MYBPC1: variants seen among roughly 807,000 people sequenced by gnomAD.
MYBPC1 encodes myosin-binding protein C, slow-type.
In MYBPC1, 52 loss-of-function variants were observed where a neutral mutation model predicts 147.1. That is an observed-to-expected ratio of 0.35 (90% CI 0.28 to 0.45). The LOEUF is 0.45. Ranked by LOEUF, MYBPC1 falls within the 20% of genes least tolerant of loss-of-function variation. The probability of loss-of-function intolerance (pLI) is 1.00; values close to 1 mark genes in which losing one functional copy is unlikely to be tolerated. For missense variants in MYBPC1, 1,228 were observed against 1,440.3 expected (o/e 0.85, Z 2.39); for synonymous variants, 477 against 475.9 (o/e 1.00, Z -0.03).
chr12:101,636,049 G>A (rs1343562085), intron 9 of MYBPC1, among the ~76,000 whole-genome samples: 2 of 151,888 alleles, frequency 1.3e-5, no homozygotes, highest in Non-Finnish European at 2.9e-5. Context: ...TATTTAAGAA[G>A]GTATAAATAT....
chr12:101,622,711 G>A lies in MYBPC1; in HGVS notation c.104-4161G>A, dbSNP rs1485455698. Among the ~76,000 whole-genome samples the A allele has an allele frequency of 5.9e-5, 9 of 151,860 alleles. 1 individual carries two copies. The highest frequency in any genetic ancestry group is 5.9e-4 in the Admixed American group (9 of 15,256). ...GATGGTGCCACTGCACTCCAGCCTG[G>A]GCGACAGAGTGAGACTCTGTCTAAA... On this transcript the variant is annotated intron_variant, in intron 3 of 31. Transcript: ENST00000361466.
the MYBPC1 span, among the ~76,000 whole-genome samples, chr12:101,691,116 T>C: frequency 6.6e-6 from 1 of 152,130 alleles, no homozygotes; most frequent in Non-Finnish European, 1.5e-5. Context: ...CTGTTGCCCA[T>C]GCTGGAGTGC....
intron 13 of MYBPC1, among the ~76,000 whole-genome samples, chr12:101,647,396 A>G (rs1893421411): frequency 6.6e-6 from 1 of 152,218 alleles, no homozygotes; most frequent in South Asian, 2.1e-4. Context: ...TTTGAGTTTT[A>G]TATATTCTCC....
chr12:101,618,265 T>G (rs1222657449), intron 3 of MYBPC1, among the ~76,000 whole-genome samples: 1 of 152,238 alleles, frequency 6.6e-6, no homozygotes, highest in Non-Finnish European at 1.5e-5. Context: ...CTTGAACTTA[T>G]GCTCTCATAA....
Position 101,642,408 on chromosome 12 carries a change from TC to T in MYBPC1, c.666-7del. 1.2e-6 allele frequency: 2 copies of T among 1,613,990 alleles called. No homozygotes were observed. The highest frequency in any genetic ancestry group is 1.7e-6 in the Non-Finnish European group (2 of 1,180,008). ...CAGCTACTAAACTAGACCATGGTTC[TC>T]CCCGGTTAGGGAGGTGAAGCAGCAG... On this transcript the variant is annotated splice_polypyrimidine_tract_variant and intron_variant, in intron 10 of 31. Transcript: ENST00000361466.
intron 22 of MYBPC1, among the ~76,000 whole-genome samples, chr12:101,665,412 G>A (rs934676061): frequency 6.6e-6 from 1 of 152,198 alleles, no homozygotes; most frequent in African/African-American, 2.4e-5. Context: ...GAGACATCAG[G>A]TTTTATTCTG....
chr12:101,646,735 C>T (rs1565950138), intron 12 of MYBPC1, 28 bp from the exon 13 acceptor site: 7 of 1,611,248 alleles, frequency 4.3e-6, no homozygotes. Context: ...TTCACAGACT[C>T]TGTTTATTTT....
chr12:101,685,522 T>C, intron 31 of MYBPC1, 60 bp from the exon 32 acceptor site: 1 of 1,174,512 alleles, frequency 8.5e-7, no homozygotes, highest in Non-Finnish European at 1.2e-6. Context: ...GAAGTATTGT[T>C]TCAGCGATTT....
intron 1 of MYBPC1, among the ~76,000 whole-genome samples, chr12:101,613,483 G>A (rs189141618): frequency 2.2e-4 from 33 of 152,196 alleles, no homozygotes; most frequent in Admixed American, 1.8e-3. Context: ...TTTTAGAAGC[G>A]ATCACCTTCA....
chr12:101,670,018 G>T (rs1000950255), intron 23 of MYBPC1: 12 of 463,408 alleles, frequency 2.6e-5, no homozygotes, highest in Non-Finnish European at 4.8e-5. Context: ...CTATAAAGTT[G>T]CTTTAGGCTT....
chr12:101,634,057 C>T (rs914216176), intron 8 of MYBPC1, among the ~76,000 whole-genome samples: 4 of 151,996 alleles, frequency 2.6e-5, no homozygotes, highest in Admixed American at 6.6e-5. Flanking sequence ...CCACCACGGC[C>T]GGCTAATTTT....
intron 10 of MYBPC1, among the ~76,000 whole-genome samples, chr12:101,640,493 T>A (rs1299554796): frequency 6.6e-6 from 1 of 152,256 alleles, no homozygotes; most frequent in Non-Finnish European, 1.5e-5. Context: ...ATAAAGGATG[T>A]AGCTGTTATT....
rs12300365 is a variant in MYBPC1, at chr12:101,618,037, T to C, written c.103+794T>C. ...TTTAAAAGTGAACCTTTTATTTGCA[T>C]AATGAATAAAAAAGTTTAAATTTTG... On this transcript the variant is annotated intron_variant, in intron 3 of 31. Coordinates refer to ENST00000361466, the MANE Select transcript of MYBPC1 (RefSeq NM_002465.4). 2.4e-3 allele frequency among the ~76,000 whole-genome samples: 358 copies of C among 152,326 alleles called. 2 individuals are homozygous for C. The highest frequency in any genetic ancestry group is 8.1e-3 in the African/African-American group (338 of 41,572).
intron 9 of MYBPC1, among the ~76,000 whole-genome samples, chr12:101,635,474 T>C (rs994484485): frequency 2.0e-5 from 3 of 151,506 alleles, no homozygotes; most frequent in African/African-American, 7.2e-5. Flanking sequence ...TTAATTACTT[T>C]GAAAAGTTAT....
At chr12:101,628,763 T>C (rs1235164818) in intron 5 of MYBPC1, among the ~76,000 whole-genome samples, 3 of 152,238 alleles carry the variant, frequency 2.0e-5, no homozygotes, top group African/African-American at 7.2e-5. Context: ...CTTGTCTCTC[T>C]TTATGGGAAA....
intron 1 of MYBPC1, 106 bp downstream of exon 1, chr12:101,595,201 A>G: frequency 9.7e-7 from 1 of 1,027,488 alleles, no homozygotes; most frequent in East Asian, 2.6e-5. Flanking sequence ...GAGAAAATAA[A>G]ATCACTATGA....
Position 101,653,490 on chromosome 12 carries a change from G to GA in MYBPC1, c.1767+247dup, listed in dbSNP as rs11451200. On this transcript the variant is annotated intron_variant, in intron 18 of 31. Transcript: ENST00000361466. ...AGCAAAGCATGTTTTGATGCACAGTGAAAAAGCCTCATTTTTATTCTAATG... is the reference window on the plus strand; with the variant it reads ...AGCAAAGCATGTTTTGATGCACAGTGAAAAAAGCCTCATTTTTATTCTAATG... Among the ~76,000 whole-genome samples, 100,259 of 151,858 alleles carry GA rather than the reference G, an allele frequency of 0.66. 34,322 individuals are homozygous for GA. The highest frequency in any genetic ancestry group is 0.79 in the Admixed American group (12,097 of 15,288).
intron 10 of MYBPC1, among the ~76,000 whole-genome samples, chr12:101,641,099 G>A (rs1011402598): frequency 7.4e-6 from 1 of 134,850 alleles, no homozygotes; most frequent in Non-Finnish European, 1.5e-5. Flanking sequence ...GCAACAGAGT[G>A]AGACTCTGTC....
intron 28 of MYBPC1, 106 bp downstream of exon 28, chr12:101,678,344 A>C (rs1400038939): frequency 3.4e-6 from 5 of 1,492,278 alleles, no homozygotes; most frequent in Non-Finnish European, 4.7e-6. Flanking sequence ...GTGTCTTCCC[A>C]GGATGGGGGA....
Sources: allele counts gnomAD v4.1 joint callset (sites outside exome capture counted in the v4.1 genomes callset), GRCh38; gene constraint gnomAD v4.1.1; transcripts MANE v1.5; gene names NCBI Gene and HGNC (gene_info 2026-07-23, HGNC 2026-07-21).